The following IFT52 variants were observed in gnomAD, a reference collection of about 807,000 sequenced individuals.
The protein encoded by IFT52 is intraflagellar transport protein 52 homolog.
A neutral mutation model predicts 54.4 loss-of-function variants in IFT52; 44 were observed. The observed-to-expected ratio is 0.81, with a 90% CI of 0.63 to 1.04. The LOEUF (loss-of-function observed/expected upper bound fraction) is 1.04. Ranked by LOEUF, IFT52 falls within the 50% of genes least tolerant of loss-of-function variation. The probability of loss-of-function intolerance (pLI) is 0.00; values close to 1 mark genes in which losing one functional copy is unlikely to be tolerated. For missense variants in IFT52, 452 were observed against 523.6 expected (o/e 0.86, Z 1.33); for synonymous variants, 181 against 185.3 (o/e 0.98, Z 0.19).
At chr20:43,610,462 A>G (rs922240069) in intron 6 of IFT52, among the ~76,000 whole-genome samples, 4 of 151,738 alleles carry the variant, frequency 2.6e-5, no homozygotes, top group African/African-American at 7.3e-5. Flanking sequence ...GGCTGGGCGC[A>G]GTGACTCACG....
intron 2 of IFT52, 81 bp downstream of exon 2, chr20:43,594,898 TA>T: frequency 1.2e-6 from 1 of 809,926 alleles, no homozygotes; most frequent in South Asian, 1.5e-5. Flanking sequence ...TTTTCTTAGG[TA>T]ACATAGATTG....
rs577047613 is a variant in IFT52 at position 43,633,452 on chromosome 20, G to A, written c.924-2474G>A. ...GGGCTGGGCACAGTGGCTCACACCT[G>A]TAATCCCAGCACTTTGGAAGGCTGA... On this transcript the variant is annotated intron_variant, in intron 10 of 13. Transcript: ENST00000373030. Among the ~76,000 whole-genome samples, 3 of 151,758 alleles carry A rather than the reference G, an allele frequency of 2.0e-5. No homozygotes were observed. The South Asian group carries it at 6.3e-4, about 32-fold the overall frequency.
chr20:43,611,986 C>T (rs551195058), intron 6 of IFT52, among the ~76,000 whole-genome samples: 6 of 152,010 alleles, frequency 3.9e-5, no homozygotes, highest in Middle Eastern at 3.4e-3. Flanking sequence ...GCTGAGATCA[C>T]GCCATTGCAC....
chr20:43,594,554 G>A (rs1365117711), intron 1 of IFT52, 139 bp from the exon 2 acceptor site: 1 of 603,178 alleles, frequency 1.7e-6, no homozygotes, highest in Non-Finnish European at 2.9e-6. Flanking sequence ...CAACCTTTGA[G>A]AATTGTAGGA....
Position 43,647,197 on chromosome 20 carries a change from G to T in IFT52, c.*214G>T. The T allele has an allele frequency of 2.0e-5, 11 of 558,556 alleles. No individual in the cohort carries two copies. Among genetic ancestry groups the T allele is most frequent in the South Asian group, 9.9e-5 (4 of 40,540 alleles). The allele number at this position is 558,556 out of a possible 1,614,324, so 34.6% of individuals were successfully genotyped here. A position where few individuals can be genotyped will look rare whatever the true frequency, so the allele number is the denominator to read the frequency against. ...TTCCATTTTTAAAAATTAAATGTAT[G>T]GTTGCATCTGTCTTTTTATACCCTA... On this transcript the variant is annotated 3_prime_UTR_variant, in exon 14 of 14. Transcript: ENST00000373030.
chr20:43,604,992 C>T lies in IFT52; in HGVS notation c.414-10C>T. The T allele has an allele frequency of 6.2e-7, 1 of 1,612,496 alleles. No individual in the cohort carries two copies. Among genetic ancestry groups the T allele is most frequent in the Non-Finnish European group, 8.5e-7 (1 of 1,179,154 alleles). ...TTTTGTTTACTAGATTTTAATTTTTCTTCTTCAAGGGAAATTAGCCGAGCT... is the reference window on the plus strand; with the variant it reads ...TTTTGTTTACTAGATTTTAATTTTTTTTCTTCAAGGGAAATTAGCCGAGCT... On this transcript the variant is annotated splice_polypyrimidine_tract_variant and intron_variant, in intron 5 of 13. Coordinates refer to ENST00000373030, the MANE Select transcript of IFT52 (RefSeq NM_016004.5).
chr20:43,622,947 C>T (rs1984452427), intron 9 of IFT52, among the ~76,000 whole-genome samples: 2 of 151,792 alleles, frequency 1.3e-5, no homozygotes, highest in Admixed American at 1.3e-4. Flanking sequence ...CTCAGCAATG[C>T]TGGAGGGATG....
intron 10 of IFT52, 121 bp downstream of exon 10, chr20:43,624,166 G>C: frequency 1.9e-6 from 2 of 1,073,710 alleles, no homozygotes; most frequent in South Asian, 1.5e-5. Flanking sequence ...CATGTTCTCA[G>C]ATCTATGATG....
chr20:43,621,287 G>A (rs1185642376), intron 9 of IFT52, among the ~76,000 whole-genome samples: 1 of 152,110 alleles, frequency 6.6e-6, no homozygotes, highest in Non-Finnish European at 1.5e-5. Flanking sequence ...AATTTATGTT[G>A]TAAACTATAA....
intron 12 of IFT52, among the ~76,000 whole-genome samples, chr20:43,637,767 A>G (rs1388855832): frequency 6.6e-6 from 1 of 152,164 alleles, no homozygotes; most frequent in African/African-American, 2.4e-5. Context: ...GAATTAGAAC[A>G]TAGTGCCAAG....
chr20:43,604,338 G>A, intron 5 of IFT52, 80 bp downstream of exon 5: 1 of 1,002,670 alleles, frequency 1.0e-6, no homozygotes. Context: ...GGAAGCCAAG[G>A]TGGATGGATC....
chr20:43,642,659 C>A, intron 13 of IFT52, 35 bp downstream of exon 13: 1 of 1,600,112 alleles, frequency 6.2e-7, no homozygotes, highest in Non-Finnish European at 8.5e-7. Flanking sequence ...TAGTGGGAGC[C>A]CCTCCAGTAC....
chr20:43,610,722 G>A (rs1271157538), intron 6 of IFT52, among the ~76,000 whole-genome samples: 1 of 150,512 alleles, frequency 6.6e-6, no homozygotes, highest in Non-Finnish European at 1.5e-5. Context: ...CTGGGCGACA[G>A]AGCGAGACTC....
At chr20:43,593,261 AG>A (rs938097924) in intron 1 of IFT52, among the ~76,000 whole-genome samples, 1 of 152,166 alleles carries the variant, frequency 6.6e-6, no homozygotes, top group Non-Finnish European at 1.5e-5. Flanking sequence ...AACAGTAATG[AG>A]GGGGGTTTTT....
chr20:43,625,465 A>G (rs1984646777), intron 10 of IFT52, among the ~76,000 whole-genome samples: 1 of 152,056 alleles, frequency 6.6e-6, no homozygotes, highest in African/African-American at 2.4e-5. Flanking sequence ...TCAAGATCAT[A>G]CCATTGCACT....
chr20:43,637,715 T>A (rs1985641032), intron 12 of IFT52, among the ~76,000 whole-genome samples: 2 of 152,188 alleles, frequency 1.3e-5, no homozygotes, highest in African/African-American at 4.8e-5. Flanking sequence ...TTATGTCATG[T>A]AAATAATGTT....
intron 10 of IFT52, among the ~76,000 whole-genome samples, chr20:43,624,356 C>G (rs1984568953): frequency 6.6e-6 from 1 of 152,112 alleles, no homozygotes; most frequent in South Asian, 2.1e-4. Flanking sequence ...AATGGAGTCC[C>G]AAGTCCCTCA....
At chr20:43,616,019 G>GT (rs1180656344) in intron 7 of IFT52, among the ~76,000 whole-genome samples, 27 of 151,880 alleles carry the variant, frequency 1.8e-4, no homozygotes, top group East Asian at 5.8e-4. Context: ...AAATCAGAGG[G>GT]TTTTTTTTAC....
Position 43,604,267 on chromosome 20 carries a change from G to T in IFT52, c.413+9G>T, listed in dbSNP as rs971053895. The T allele has an allele frequency of 6.3e-7, 1 of 1,594,796 alleles. No individual in the cohort carries two copies. Among genetic ancestry groups the T allele is most frequent in the Non-Finnish European group, 8.6e-7 (1 of 1,162,778 alleles). On this transcript the variant is annotated intron_variant, in intron 5 of 13. Coordinates refer to ENST00000373030, the MANE Select transcript of IFT52 (RefSeq NM_016004.5). ...AGTGGAGTCTTGAACAGGTAAGCATGTTGAAAGCAGAAATATCTTGGCAAG... is the reference window on the plus strand; with the variant it reads ...AGTGGAGTCTTGAACAGGTAAGCATTTTGAAAGCAGAAATATCTTGGCAAG...
Sources: allele counts gnomAD v4.1 joint callset (sites outside exome capture counted in the v4.1 genomes callset), GRCh38; gene constraint gnomAD v4.1.1; transcripts MANE v1.5; gene names NCBI Gene and HGNC (gene_info 2026-07-23, HGNC 2026-07-21).